PID1: variants seen among roughly 807,000 people sequenced by gnomAD.
PID1 encodes phosphotyrosine interaction domain containing 1.
A neutral mutation model predicts 19.1 loss-of-function variants in PID1; 10 were observed. The ratio of observed to expected loss-of-function variants is 0.52; its 90% confidence interval spans 0.32 to 0.89. The LOEUF (loss-of-function observed/expected upper bound fraction) is 0.89. PID1 is among the 40% of genes least tolerant of loss of function. PID1 has a pLI of 0.03. For missense variants in PID1, 248 were observed against 285.3 expected, an observed-to-expected ratio of 0.87 and a Z score of 0.94; for synonymous variants, 130 against 116.0, an observed-to-expected ratio of 1.12 and a Z score of -0.78.
At chr2:229,048,166 T>A (rs968533884) in intron 2 of PID1, among the ~76,000 whole-genome samples, 3 of 152,188 alleles carry the variant, frequency 2.0e-5, no homozygotes, top group African/African-American at 7.2e-5. Context: ...TGGTATAGGA[T>A]CTAGTGATTT....
intron 2 of PID1, among the ~76,000 whole-genome samples, chr2:229,133,778 T>A (rs1184727123): frequency 6.6e-6 from 1 of 152,168 alleles, no homozygotes; most frequent in Admixed American, 6.5e-5. Context: ...TTCTTTTTTT[T>A]TTCTTTTTTT....
intron 1 of PID1, among the ~76,000 whole-genome samples, chr2:229,175,133 T>G (rs1250187501): frequency 6.6e-6 from 1 of 152,168 alleles, no homozygotes; most frequent in Non-Finnish European, 1.5e-5. Flanking sequence ...CTGTCCAAAT[T>G]GTAGATTTAC....
chr2:229,072,994 G>A (rs946009487), intron 2 of PID1, among the ~76,000 whole-genome samples: 3 of 152,108 alleles, frequency 2.0e-5, no homozygotes, highest in Non-Finnish European at 4.4e-5. Flanking sequence ...CTAAAATGAG[G>A]TTATCCTCAC....
chr2:229,255,081 G>T (rs1300387916), intron 1 of PID1, among the ~76,000 whole-genome samples: 1 of 152,106 alleles, frequency 6.6e-6, no homozygotes, highest in Admixed American at 6.5e-5. Context: ...TACGGGAAGG[G>T]GGTCAAATGG....
At chr2:229,102,339 T>C (rs1486980551) in intron 2 of PID1, among the ~76,000 whole-genome samples, 1 of 152,112 alleles carries the variant, frequency 6.6e-6, no homozygotes, top group African/African-American at 2.4e-5. Context: ...TAAACAAATT[T>C]GCACTGTTCT....
chr2:229,201,884 A>G (rs1373087864), intron 1 of PID1, among the ~76,000 whole-genome samples: 4 of 151,872 alleles, frequency 2.6e-5, no homozygotes, highest in Non-Finnish European at 5.9e-5. Flanking sequence ...AACCATATTC[A>G]CTTTGGCTTC....
chr2:229,025,279 G>A lies in PID1; in HGVS notation c.*353C>T, dbSNP rs1043470331. The A allele has an allele frequency of 2.2e-5, 5 of 231,642 alleles. No individual in the cohort carries two copies. The highest frequency in any genetic ancestry group is 6.2e-5 in the South Asian group (1 of 16,024). The allele number at this position is 231,642 out of a possible 1,614,324, so 14.3% of individuals were successfully genotyped here. Reference sequence around the variant, plus strand: ...CTTGTGGAATTTCATAAGGCAGATCGGAATGGCCCATCCAATAACAGCTGC... The same window carrying A: ...CTTGTGGAATTTCATAAGGCAGATCAGAATGGCCCATCCAATAACAGCTGC... On this transcript the variant is annotated 3_prime_UTR_variant, in exon 3 of 3. Transcript: ENST00000392055.
chr2:229,238,786 G>A (rs561161261), intron 1 of PID1, among the ~76,000 whole-genome samples: 1 of 152,222 alleles, frequency 6.6e-6, no homozygotes, highest in East Asian at 1.9e-4. Flanking sequence ...CAAGTGGGCT[G>A]CAGCATGGGT....
At chr2:229,123,724 G>A (rs559777008) in intron 2 of PID1, among the ~76,000 whole-genome samples, 1 of 152,274 alleles carries the variant, frequency 6.6e-6, no homozygotes, top group African/African-American at 2.4e-5. Context: ...GTATAAAGGA[G>A]TACCTCATGG....
At chr2:229,060,686 AC>A (rs1230366464) in intron 2 of PID1, among the ~76,000 whole-genome samples, 2 of 152,086 alleles carry the variant, frequency 1.3e-5, no homozygotes, top group Non-Finnish European at 2.9e-5. Flanking sequence ...TTTCGGAGGC[AC>A]CTCTATACAG....
chr2:229,078,474 G>A (rs933153840), intron 2 of PID1, among the ~76,000 whole-genome samples: 3 of 152,080 alleles, frequency 2.0e-5, no homozygotes, highest in Admixed American at 6.6e-5. Context: ...CACCTTGTGC[G>A]GGTTTTTAAA....
At chr2:229,178,459 T>G (rs1287244167) in intron 1 of PID1, among the ~76,000 whole-genome samples, 1 of 152,162 alleles carries the variant, frequency 6.6e-6, no homozygotes, top group Non-Finnish European at 1.5e-5. Flanking sequence ...TTCAATTAGT[T>G]TTTTTTAAGA....
At chr2:229,266,648 C>T (rs1690598462) in intron 1 of PID1, among the ~76,000 whole-genome samples, 1 of 152,210 alleles carries the variant, frequency 6.6e-6, no homozygotes, top group South Asian at 2.1e-4. Context: ...ACCAAACTGT[C>T]TGGTTCAAAC....
chr2:229,080,763 T>C (rs1031419579), intron 2 of PID1, among the ~76,000 whole-genome samples: 2 of 152,126 alleles, frequency 1.3e-5, no homozygotes, highest in South Asian at 4.1e-4. Context: ...CAAAATGCAG[T>C]CACATATGTT....
At chr2:229,084,421 T>C (rs1694725575) in intron 2 of PID1, among the ~76,000 whole-genome samples, 1 of 152,188 alleles carries the variant, frequency 6.6e-6, no homozygotes, top group South Asian at 2.1e-4. Flanking sequence ...TCTTTCTAAC[T>C]GGTAATGGTG....
At chr2:229,141,725 C>T (rs1284853849) in intron 2 of PID1, among the ~76,000 whole-genome samples, 1 of 152,102 alleles carries the variant, frequency 6.6e-6, no homozygotes, top group Non-Finnish European at 1.5e-5. Context: ...CATTTATCCT[C>T]ATTACTTCCT....
intron 2 of PID1, among the ~76,000 whole-genome samples, chr2:229,071,051 T>G (rs754428569): frequency 6.6e-6 from 1 of 151,450 alleles, no homozygotes; most frequent in Admixed American, 6.6e-5. Context: ...TATATTAATA[T>G]TTAATTTTTT....
At chr2:229,239,674 T>A (rs976004207) in intron 1 of PID1, among the ~76,000 whole-genome samples, 1 of 152,192 alleles carries the variant, frequency 6.6e-6, no homozygotes, top group African/African-American at 2.4e-5. Flanking sequence ...GAAGGTCATG[T>A]TCAGAGCAGC....
At position 229,025,470 on chromosome 2, in the gene PID1, T is replaced by C; in HGVS notation, c.*162A>G. The C allele has an allele frequency of 1.6e-6, 1 of 635,934 alleles. No homozygotes were observed. The highest frequency in any genetic ancestry group is 1.9e-5 in the South Asian group (1 of 52,138). 39.4% of individuals were successfully genotyped at this position (635,934 alleles called of 1,614,324 possible). ...TTTCAATGTAACGTAATTACTTTAATGATACATTTCTTTAGATTTAGAATT... is the reference window on the plus strand; with the variant it reads ...TTTCAATGTAACGTAATTACTTTAACGATACATTTCTTTAGATTTAGAATT... On this transcript the variant is annotated 3_prime_UTR_variant, in exon 3 of 3. Transcript: ENST00000392055.
Sources: gnomAD v4.1 joint callset for allele counts (sites outside exome capture counted in the v4.1 genomes callset) on GRCh38, gnomAD v4.1.1 for gene constraint, MANE v1.5 for transcripts, NCBI Gene and HGNC (gene_info 2026-07-23, HGNC 2026-07-21) for gene names.